The following BEGAIN variants were observed in gnomAD, a reference collection of about 807,000 sequenced individuals.
BEGAIN encodes the protein brain enriched guanylate kinase associated.
A neutral mutation model predicts 35.8 loss-of-function variants in BEGAIN; 19 were observed. The observed-to-expected ratio is 0.53, with a 90% confidence interval of 0.37 to 0.78. BEGAIN has a LOEUF of 0.78. BEGAIN is among the 30% of genes least tolerant of loss of function. The pLI is 0.00. For missense variants in BEGAIN, 795 were observed against 853.6 expected, an observed-to-expected ratio of 0.93 and a Z score of 0.85; for synonymous variants, 462 against 388.6, an observed-to-expected ratio of 1.19 and a Z score of -2.22.
rs1336934184 is a variant in BEGAIN, at chr14:100,546,558, T to G, written c.176A>C (p.Glu59Ala). 6.3e-7 allele frequency: 1 copy of G among 1,585,288 alleles called. No homozygotes were observed. The highest frequency in any genetic ancestry group is 8.5e-7 in the Non-Finnish European group (1 of 1,170,038). Residue 59 changes from glutamate (E) to alanine (A), a missense_variant, in exon 3 of 7, where the codon GAG (glutamate) becomes GCG (alanine). By Grantham distance (107) the Glu-to-Ala change is moderately radical (BLOSUM62 -1). Transcript: ENST00000554140. Reference sequence around the variant, plus strand: ...CTCCTGCGCGCGCCGCAGCTCGATCTCCAGGTAGTGGCGCGTGGAGTCGAA... The same window carrying G: ...CTCCTGCGCGCGCCGCAGCTCGATCGCCAGGTAGTGGCGCGTGGAGTCGAA... ...TEFDSTRHYLEIELRRAQEEL... is the reference protein window; with the variant it reads ...TEFDSTRHYLAIELRRAQEEL...
intron 1 of BEGAIN, among the ~76,000 whole-genome samples, chr14:100,570,156 T>A (rs2035031474): frequency 6.6e-6 from 1 of 152,226 alleles, no homozygotes; most frequent in Non-Finnish European, 1.5e-5. Context: ...GCCAGGGAGT[T>A]TGTCTAAAAT....
chr14:100,572,977 C>A (rs933786269), intron 1 of BEGAIN, among the ~76,000 whole-genome samples: 1 of 151,976 alleles, frequency 6.6e-6, no homozygotes, highest in Non-Finnish European at 1.5e-5. Context: ...TATTCTCATG[C>A]AGGAAGACAG....
chr14:100,539,443 C>T (rs1291521645), intron 6 of BEGAIN, 128 bp from the exon 7 acceptor site: 5 of 1,424,088 alleles, frequency 3.5e-6, no homozygotes, highest in Non-Finnish European at 4.6e-6. Flanking sequence ...ACGGGGGCCT[C>T]CCGGCTTCTC....
At position 100,568,564 on chromosome 14, in the gene BEGAIN, C is replaced by A; in HGVS notation, c.43-625G>T. 8.0e-7 allele frequency: 1 copy of A among 1,250,636 alleles called. No individual in the cohort carries two copies. 77.5% of individuals were successfully genotyped at this position (1,250,636 alleles called of 1,614,324 possible). A position where few individuals can be genotyped will look rare whatever the true frequency, so the allele number is the denominator to read the frequency against. ...CGGGCCCCAGGGATTAACCCGTGAG[C>A]GCCCGGCTCGCCGGCGGGGCTCCCT... On this transcript the variant is annotated intron_variant, in intron 1 of 6. Transcript: ENST00000554140. This position sits in a 1 kb window ranked among gnomAD's most constrained non-coding sequence, Gnocchi z 7.5.
chr14:100,551,044 C>A (rs1293159953), intron 2 of BEGAIN, among the ~76,000 whole-genome samples: 1 of 152,172 alleles, frequency 6.6e-6, no homozygotes, highest in Non-Finnish European at 1.5e-5. Context: ...GGGTTCCTGG[C>A]GTGCAGGATT....
chr14:100,560,538 C>T (rs2034151512), intron 2 of BEGAIN, among the ~76,000 whole-genome samples: 1 of 152,172 alleles, frequency 6.6e-6, no homozygotes, highest in Non-Finnish European at 1.5e-5. Context: ...GCAGCCTCCC[C>T]TCCCTGGGAC....
At chr14:100,547,820 G>C (rs563896141) in intron 2 of BEGAIN, 3 of 152,350 alleles carry the variant, frequency 2.0e-5, no homozygotes, top group African/African-American at 7.2e-5. Context: ...GCGTTCTTGT[G>C]ATATTCCCGA....
In BEGAIN at chr14:100,587,253, C is replaced by A. The variant is rs2035466593; in HGVS notation, c.38G>T (p.Arg13Leu). The change falls in exon 1 of 7, where the codon CGG becomes CTG. Residue 13 changes from arginine (R) to leucine (L), a missense_variant. Coordinates refer to ENST00000554140, the MANE Select transcript of BEGAIN (RefSeq NM_001385089.1). ...TCCCGGCTCGCAGGTACTCACCGCC[C>A]GGCGCAGCCGGCCCGGCCGGCGACC... ...TGGRRPGRLR[R>L]AASAADMEKL... 5.2e-6 allele frequency: 1 copy of A among 192,364 alleles called. No homozygotes were observed. The highest frequency in any genetic ancestry group is 1.1e-5 in the Non-Finnish European group (1 of 93,958). 11.9% of individuals were successfully genotyped at this position (192,364 alleles called of 1,614,324 possible).
At chr14:100,547,001 T>G (rs2032612413) in intron 2 of BEGAIN, 1 of 205,716 alleles carries the variant, frequency 4.9e-6, no homozygotes, top group African/African-American at 2.3e-5. Context: ...TGGGGGCGGT[T>G]TAAAGGACCC....
At chr14:100,540,659 G>A (rs2031470529) in intron 5 of BEGAIN, 80 bp from the exon 6 acceptor site, 5 of 1,093,168 alleles carry the variant, frequency 4.6e-6, no homozygotes, top group South Asian at 2.7e-5. Flanking sequence ...AGTGGCCAGC[G>A]GGGGCAGTGG....
intron 1 of BEGAIN, among the ~76,000 whole-genome samples, chr14:100,583,017 C>A (rs1481385208): frequency 4.0e-5 from 6 of 150,658 alleles, no homozygotes; most frequent in Non-Finnish European, 7.4e-5. Context: ...TCACCATCCA[C>A]CCCTGTGACC....
chr14:100,538,543 T>C lies in BEGAIN; in HGVS notation c.1265A>G (p.Lys422Arg). Residue 422 changes from lysine (K) to arginine (R), a missense_variant, in exon 7 of 7, where the codon AAG becomes AGG. By Grantham distance (26) the Lys-to-Arg change is conservative. Transcript: ENST00000554140. ...MPPNLWSLRA[K>R]PGTARLPGED... ...CCCGGGGAGCCGGGCGGTCCCCGGCTTGGCCCGCAGGCTCCACAGGTTTGG... is the reference window on the plus strand; with the variant it reads ...CCCGGGGAGCCGGGCGGTCCCCGGCCTGGCCCGCAGGCTCCACAGGTTTGG... 1 of 1,514,246 alleles carries C rather than the reference T, an allele frequency of 6.6e-7. No homozygotes were observed. The highest frequency in any genetic ancestry group is 8.8e-7 in the Non-Finnish European group (1 of 1,133,040). 93.8% of individuals were successfully genotyped at this position (1,514,246 alleles called of 1,614,324 possible). A position where few individuals can be genotyped will look rare whatever the true frequency, so the allele number is the denominator to read the frequency against.
At chr14:100,548,530 A>G (rs2032830974) in intron 2 of BEGAIN, 1 of 152,416 alleles carries the variant, frequency 6.6e-6, no homozygotes, top group Non-Finnish European at 1.5e-5. Context: ...CCCAGGCCTC[A>G]CTGAGCAGCC....
intron 4 of BEGAIN, among the ~76,000 whole-genome samples, chr14:100,544,417 G>A (rs1167837661): frequency 2.0e-5 from 3 of 152,208 alleles, no homozygotes; most frequent in Admixed American, 6.5e-5. Context: ...TGGGCAGGTT[G>A]TTGCTTTCAA....
intron 1 of BEGAIN, among the ~76,000 whole-genome samples, chr14:100,583,018 C>T (rs927838447): frequency 1.3e-5 from 2 of 150,582 alleles, no homozygotes. Context: ...CACCATCCAC[C>T]CCTGTGACCG....
intron 2 of BEGAIN, among the ~76,000 whole-genome samples, chr14:100,561,379 C>T (rs551037151): frequency 1.6e-4 from 25 of 152,308 alleles, no homozygotes; most frequent in African/African-American, 5.8e-4. Context: ...CACTGAGTCT[C>T]CTGAGCCGCC....
intron 2 of BEGAIN, among the ~76,000 whole-genome samples, chr14:100,561,262 C>A (rs2034227832): frequency 6.6e-6 from 1 of 152,242 alleles, no homozygotes; most frequent in Non-Finnish European, 1.5e-5. Context: ...AATGATGTCA[C>A]CGCCCAAGGG....
intron 2 of BEGAIN, among the ~76,000 whole-genome samples, chr14:100,566,632 A>G (rs1407154173): frequency 3.3e-5 from 5 of 152,204 alleles, no homozygotes; most frequent in Non-Finnish European, 1.5e-5. Flanking sequence ...GTGTGACCAC[A>G]GCCAGGGCTG....
chr14:100,571,838 G>A (rs1035541263), intron 1 of BEGAIN, among the ~76,000 whole-genome samples: 2 of 152,182 alleles, frequency 1.3e-5, no homozygotes, highest in Non-Finnish European at 2.9e-5. Context: ...CTTTGCACTG[G>A]TTCCTTGCAC....
Sources: allele counts gnomAD v4.1 joint callset (sites outside exome capture counted in the v4.1 genomes callset), GRCh38; gene constraint gnomAD v4.1.1; non-coding constraint Gnocchi (gnomAD v3.1); transcripts MANE v1.5; gene names NCBI Gene and HGNC (gene_info 2026-07-23, HGNC 2026-07-21).